The following SOX30 variants were observed in gnomAD, a reference collection of about 807,000 sequenced individuals.
SOX30 encodes the protein SRY-box transcription factor 30.
SOX30 carries 17 observed loss-of-function variants against 58.6 expected under a neutral mutation model. The ratio of observed to expected loss-of-function variants is 0.29; its 90% CI spans 0.20 to 0.44. SOX30 has a LOEUF of 0.44. Ranked by LOEUF, SOX30 falls within the 20% of genes least tolerant of loss-of-function variation. SOX30 has a pLI of 1.00. For synonymous variants in SOX30, 421 were observed against 400.2 expected (o/e 1.05, Z -0.62); for missense variants, 951 against 965.8 (o/e 0.98, Z 0.20).
upstream of SOX30, among the ~76,000 whole-genome samples, chr5:157,653,685 A>C (rs1188904450): frequency 3.9e-5 from 6 of 152,192 alleles, no homozygotes; most frequent in East Asian, 1.2e-3. Context: ...CTGGCCAAAA[A>C]CTATAGTTTA....
chr5:157,652,015 G>T lies in SOX30; in HGVS notation c.64C>A (p.Leu22Met). ...CAAAAGGAGGTGCCCTCGACCGGCA[G>T]CGGGGGCGGAGCGGGACGCAACGGG... ...PRPLRPAPPP[L>M]PVEGTSFWAA... is the part of the protein sequence containing the mutation. The change falls in exon 1 of 5, where the codon CTG becomes ATG. Residue 22 changes from leucine to methionine, a missense_variant. Coordinates refer to ENST00000265007, the MANE Select transcript of SOX30 (RefSeq NM_178424.2). The T allele has an allele frequency of 7.0e-7, 1 of 1,430,718 alleles. No homozygotes were observed. The highest frequency in any genetic ancestry group is 9.1e-7 in the Non-Finnish European group (1 of 1,100,478). 88.6% of individuals were successfully genotyped at this position (1,430,718 alleles called of 1,614,324 possible).
Position 157,638,501 on chromosome 5 carries a change from G to A in SOX30, c.1609C>T (p.Pro537Ser). ...CTGTTGGCGCTCTCTAGAGAGACAG[G>A]AGTGGGTTGCTTCACAGTGTGAGTG... ...EATHTVKQPTPVSLESANRIS... is the reference protein window; with the variant it reads ...EATHTVKQPTSVSLESANRIS... The change falls in exon 4 of 5, where the codon CCT (proline) becomes TCT (serine). Residue 537 changes from proline to serine, a missense_variant. By Grantham distance (74) the Pro-to-Ser change is moderately conservative. Transcript: ENST00000265007. The A allele has an allele frequency of 1.2e-6, 2 of 1,614,230 alleles. No individual in the cohort carries two copies. Among genetic ancestry groups the A allele is most frequent in the Non-Finnish European group, 8.5e-7 (1 of 1,180,046 alleles).
In SOX30 at chr5:157,638,401, C is replaced by T; in HGVS notation, c.1709G>A (p.Ser570Asn). The T allele has an allele frequency of 6.2e-7, 1 of 1,613,738 alleles. No individual in the cohort carries two copies. Among genetic ancestry groups the T allele is most frequent in the Non-Finnish European group, 8.5e-7 (1 of 1,179,830 alleles). ...AGCACTTCTGGGACAAGGGGAAACG[C>T]TGGAATACTCCCTAGGAGGTTGGAT... is the stretch of plus-strand genomic sequence containing the variant. The part of the protein sequence containing the change: ...STIQPPREYS[S>N]VSPCPRSAPI... The change falls in exon 4 of 5, where the codon AGC becomes AAC. Residue 570 changes from serine (S) to asparagine (N), a missense_variant. By Grantham distance (46) the Ser-to-Asn change is conservative. This residue lies in a region of SOX30 where 381 missense variants were observed against 390.0 expected (regional missense o/e 0.98). Coordinates refer to ENST00000265007, the MANE Select transcript of SOX30 (RefSeq NM_178424.2).
chr5:157,642,644 AT>A (rs1443623980), intron 3 of SOX30, among the ~76,000 whole-genome samples: 10 of 152,090 alleles, frequency 6.6e-5, no homozygotes, highest in African/African-American at 1.7e-4. Flanking sequence ...TGGCAAAAAA[AT>A]AAATAAATAA....
At chr5:157,664,240 C>A (rs192658070) in intron 2 of SOX30, among the ~76,000 whole-genome samples, 6,363 of 152,096 alleles carry the variant, frequency 0.042, 208 homozygotes, top group East Asian at 0.099. Context: ...TGGTACCAAA[C>A]CAGAGATATA....
At chr5:157,646,012 T>G (rs7722328) in intron 3 of SOX30, among the ~76,000 whole-genome samples, 13,715 of 123,370 alleles carry the variant, frequency 0.11, 728 homozygotes, top group African/African-American at 0.21. Flanking sequence ...GAGCGAAAAC[T>G]CCATCTCAAA....
intron 2 of SOX30, among the ~76,000 whole-genome samples, chr5:157,663,995 A>C (rs1241737566): frequency 2.0e-5 from 3 of 151,876 alleles, no homozygotes; most frequent in Non-Finnish European, 4.4e-5. Flanking sequence ...GATAGGAAGA[A>C]TCAATATCAT....
chr5:157,642,851 G>A (rs1759103103), intron 3 of SOX30, among the ~76,000 whole-genome samples: 1 of 152,120 alleles, frequency 6.6e-6, no homozygotes, highest in South Asian at 2.1e-4. Context: ...GAGAGAATCG[G>A]TGGAATTATT....
At chr5:157,627,319 C>T (rs1424902429) in intron 4 of SOX30, among the ~76,000 whole-genome samples, 3 of 152,036 alleles carry the variant, frequency 2.0e-5, no homozygotes, top group African/African-American at 4.8e-5. Context: ...GCCGAGACTG[C>T]GCCACTGCAC....
At chr5:157,666,100 G>A (rs1482666335) in intron 2 of SOX30, among the ~76,000 whole-genome samples, 1 of 152,026 alleles carries the variant, frequency 6.6e-6, no homozygotes, top group Non-Finnish European at 1.5e-5. Flanking sequence ...TATTGTGGGA[G>A]AAATGGAATC....
chr5:157,667,457 G>A (rs1190988942), intron 2 of SOX30, among the ~76,000 whole-genome samples: 1 of 152,166 alleles, frequency 6.6e-6, no homozygotes, highest in African/African-American at 2.4e-5. Context: ...TTGAGGCTGG[G>A]TATGGTGGTT....
At position 157,651,851 on chromosome 5, in the gene SOX30, C is replaced by T. The variant is rs769203461; in HGVS notation, c.228G>A (p.Glu76=). The change falls in exon 1 of 5, where the codon GAG becomes GAA. Residue 76 remains glutamate (E), a synonymous_variant. Transcript: ENST00000265007. The part of the protein sequence containing the change: ...AVRRLLQVKP[E]QVLLLPQPQA... ...GAGGCTGTGGTAGCAGCAACACCTGCTCTGGCTTCACCTGCAGCAGCCGCC... is the reference window on the plus strand; with the variant it reads ...GAGGCTGTGGTAGCAGCAACACCTGTTCTGGCTTCACCTGCAGCAGCCGCC... 4.2e-5 allele frequency: 67 copies of T among 1,580,412 alleles called. 1 individual carries two copies. The South Asian group carries it at 7.1e-4, about 17-fold the overall frequency.
exon 1 of SOX30, chr5:157,671,380 C>G (rs1458396441): frequency 5.5e-6 from 3 of 541,672 alleles, no homozygotes; most frequent in South Asian, 5.2e-5. Flanking sequence ...CGCGCCGGGT[C>G]TCACCACGGC....
chr5:157,671,370 C>G lies in SOX30; in HGVS notation c.-44G>C, dbSNP rs1327255055. 8.3e-5 allele frequency: 44 copies of G among 531,718 alleles called. No individual in the cohort carries two copies. In the East Asian group the frequency reaches 1.4e-3, roughly 17 times the overall value. 32.9% of individuals were successfully genotyped at this position (531,718 alleles called of 1,614,324 possible). On this transcript the variant is annotated 5_prime_UTR_variant, in exon 1 of 6. Transcript: ENST00000519442. ...CCAGACCCGTCCGTCTTCACAGCAA[C>G]GCGCCGGGTCTCACCACGGCGGATG...
chr5:157,640,454 G>A (rs1759035153), intron 3 of SOX30, among the ~76,000 whole-genome samples: 1 of 152,094 alleles, frequency 6.6e-6, no homozygotes, highest in African/African-American at 2.4e-5. Context: ...GGGTAGTGGG[G>A]TGGCGGGGAT....
chr5:157,647,781 G>C (rs1015176165), intron 2 of SOX30, among the ~76,000 whole-genome samples: 1 of 151,412 alleles, frequency 6.6e-6, no homozygotes, highest in Admixed American at 6.6e-5. Context: ...GGATGGTCTT[G>C]ATCTCCTGAC....
intron 2 of SOX30, among the ~76,000 whole-genome samples, chr5:157,662,018 G>A (rs777569442): frequency 6.6e-6 from 1 of 151,994 alleles, no homozygotes; most frequent in Non-Finnish European, 1.5e-5. Flanking sequence ...TTAATTAAAC[G>A]CTTTAATGTT....
At chr5:157,650,114 T>C (rs1759292780) in intron 1 of SOX30, among the ~76,000 whole-genome samples, 3 of 152,162 alleles carry the variant, frequency 2.0e-5, no homozygotes, top group African/African-American at 7.2e-5. Flanking sequence ...ACATCTCTCA[T>C]GTATTTTATC....
In SOX30 at chr5:157,652,156, G is replaced by A. The variant is rs913457891; in HGVS notation, c.-78C>T. 1.2e-5 allele frequency: 16 copies of A among 1,378,208 alleles called. No homozygotes were observed. The highest frequency in any genetic ancestry group is 1.4e-5 in the Non-Finnish European group (15 of 1,074,792). The allele number at this position is 1,378,208 out of a possible 1,614,324, so 85.4% of individuals were successfully genotyped here. Reference sequence around the variant, plus strand: ...CCTTCCCCCTCCCCCTTTCGGTTAAGAGCCTTGCAAGGCCTTTGCTACCCA... The same window carrying A: ...CCTTCCCCCTCCCCCTTTCGGTTAAAAGCCTTGCAAGGCCTTTGCTACCCA... On this transcript the variant is annotated 5_prime_UTR_variant, in exon 1 of 5. Coordinates refer to ENST00000265007, the MANE Select transcript of SOX30 (RefSeq NM_178424.2).
Sources: allele counts gnomAD v4.1 joint callset (sites outside exome capture counted in the v4.1 genomes callset), GRCh38; gene constraint gnomAD v4.1.1; regional missense constraint gnomAD v4.1.1; transcripts MANE v1.5; gene names NCBI Gene and HGNC (gene_info 2026-07-23, HGNC 2026-07-21).